The following GALNT17 variants were observed in gnomAD, a reference collection of about 807,000 sequenced individuals.
GALNT17 encodes UDP-GalNAc:polypeptide N-acetylgalactosaminyltransferase-like 3.
GALNT17 carries 29 observed loss-of-function variants against 63.7 expected under a neutral mutation model. The ratio of observed to expected loss-of-function variants is 0.46; its 90% CI spans 0.34 to 0.62. The LOEUF (loss-of-function observed/expected upper bound fraction) is 0.62, where lower values mean the gene tolerates loss of function less well. Among genes scored for constraint, GALNT17 ranks in the 20% least tolerant of loss-of-function variants. The pLI is 0.01. For missense variants in GALNT17, 603 were observed against 799.6 expected (o/e 0.75, Z 2.97); for synonymous variants, 305 against 318.3 (o/e 0.96, Z 0.45).
At chr7:71,320,519 G>T (rs569504267) in intron 1 of GALNT17, among the ~76,000 whole-genome samples, 130 of 152,178 alleles carry the variant, frequency 8.5e-4, no homozygotes, top group African/African-American at 2.9e-3. Flanking sequence ...CCAAAGCACT[G>T]GGATTACAGA....
intron 2 of GALNT17, among the ~76,000 whole-genome samples, chr7:71,377,114 A>ATATCT (rs1554362120): frequency 1.7e-5 from 1 of 57,486 alleles, no homozygotes; most frequent in African/African-American, 9.4e-5. Flanking sequence ...AAATAAAAAA[A>ATATCT]ATATATATAT....
chr7:71,423,011 CTGT>C lies in GALNT17; in HGVS notation c.962+1912_962+1914del, dbSNP rs1786694505. Among the ~76,000 whole-genome samples, 5 of 152,166 alleles carry C rather than the reference CTGT, an allele frequency of 3.3e-5. No homozygotes were observed. The South Asian group carries it at 6.2e-4, about 19-fold the overall frequency. Reference sequence around the variant, plus strand: ...AACTCCCCTCAGCATCCACGTCATTCTGTTGTTGCTAGCCTGCTGGTGTCTGCT... The same window carrying C: ...AACTCCCCTCAGCATCCACGTCATTCTGTTGCTAGCCTGCTGGTGTCTGCT... On this transcript the variant is annotated intron_variant, in intron 5 of 10. Coordinates refer to ENST00000333538, the MANE Select transcript of GALNT17 (RefSeq NM_022479.3).
At chr7:71,237,721 C>T (rs2116460258) in intron 1 of GALNT17, among the ~76,000 whole-genome samples, 1 of 152,110 alleles carries the variant, frequency 6.6e-6, no homozygotes, top group Admixed American at 6.5e-5. Context: ...CGGAAAATAG[C>T]CAGCCCCAGC....
At chr7:71,473,262 T>G (rs1787671062) in intron 5 of GALNT17, among the ~76,000 whole-genome samples, 1 of 152,178 alleles carries the variant, frequency 6.6e-6, no homozygotes, top group African/African-American at 2.4e-5. Context: ...GTGGCAGGCT[T>G]CAGAGAGAAT....
chr7:71,314,635 A>G (rs1279276894), intron 1 of GALNT17, among the ~76,000 whole-genome samples: 1 of 152,074 alleles, frequency 6.6e-6, no homozygotes, highest in Non-Finnish European at 1.5e-5. Context: ...ATTAATTTAC[A>G]TCCCATGAAA....
chr7:71,653,120 A>G (rs2117025782), intron 6 of GALNT17, among the ~76,000 whole-genome samples: 2 of 152,206 alleles, frequency 1.3e-5, no homozygotes, highest in African/African-American at 4.8e-5. Flanking sequence ...GGTTCAAACA[A>G]TTCTCCTGCC....
intron 1 of GALNT17, among the ~76,000 whole-genome samples, chr7:71,257,845 C>T (rs548061115): frequency 1.3e-5 from 2 of 152,162 alleles, no homozygotes; most frequent in African/African-American, 2.4e-5. Flanking sequence ...AGTGGGTAAC[C>T]GTTCTGTGCA....
intron 6 of GALNT17, among the ~76,000 whole-genome samples, chr7:71,597,517 A>AATAC (rs3973921): frequency 1.1e-4 from 1 of 9,342 alleles, no homozygotes; most frequent in East Asian, 0.083. Context: ...TTAAAAGAGT[A>AATAC]ATAAATAAAT....
intron 1 of GALNT17, among the ~76,000 whole-genome samples, chr7:71,223,691 C>A (rs979314258): frequency 6.6e-6 from 1 of 152,140 alleles, no homozygotes; most frequent in Non-Finnish European, 1.5e-5. Flanking sequence ...ACCTTGTCTG[C>A]TCCTCTCCTT....
chr7:71,238,063 A>G (rs1018126519), intron 1 of GALNT17, among the ~76,000 whole-genome samples: 1 of 152,182 alleles, frequency 6.6e-6, no homozygotes, highest in Non-Finnish European at 1.5e-5. Flanking sequence ...TGAGTCTCCC[A>G]CTAATCCACT....
At chr7:71,223,739 G>C (rs763661313) in intron 1 of GALNT17, among the ~76,000 whole-genome samples, 5 of 151,988 alleles carry the variant, frequency 3.3e-5, no homozygotes, top group African/African-American at 1.2e-4. Context: ...AGTAGCCCCA[G>C]TGTGTGTTGT....
intron 1 of GALNT17, among the ~76,000 whole-genome samples, chr7:71,269,935 A>C (rs906393752): frequency 6.6e-6 from 1 of 151,538 alleles, no homozygotes; most frequent in Non-Finnish European, 1.5e-5. Context: ...AGATTAATAC[A>C]CTCTCTGAAA....
chr7:71,362,973 CT>C (rs918133566), intron 2 of GALNT17, among the ~76,000 whole-genome samples: 30 of 149,494 alleles, frequency 2.0e-4, no homozygotes, highest in Admixed American at 3.3e-4. Context: ...TTCTTTCTTT[CT>C]TTTTTTTTTT....
chr7:71,164,874 T>TGGTGG (rs1788409195), intron 1 of GALNT17, among the ~76,000 whole-genome samples: 1 of 152,228 alleles, frequency 6.6e-6, no homozygotes, highest in South Asian at 2.1e-4. Context: ...AATAAAATTG[T>TGGTGG]GGTGGCTCTT....
At position 71,132,748 on chromosome 7, in the gene GALNT17, C is replaced by T. The variant is rs1787705161; in HGVS notation, c.-55C>T. 2 of 1,477,014 alleles carry T rather than the reference C, an allele frequency of 1.4e-6. No homozygotes were observed. Among genetic ancestry groups the T allele is most frequent in the East Asian group, 2.5e-5 (1 of 40,006 alleles). The allele number at this position is 1,477,014 out of a possible 1,614,324, so 91.5% of individuals were successfully genotyped here. A position where few individuals can be genotyped will look rare whatever the true frequency, so the allele number is the denominator to read the frequency against. ...TGCACGGCCCCTGGCTGCCCCGCGC[C>T]TCGCCGGAGCCCGAGGGGGCGCAGG... On this transcript the variant is annotated 5_prime_UTR_variant, in exon 1 of 11. Coordinates refer to ENST00000333538, the MANE Select transcript of GALNT17 (RefSeq NM_022479.3).
intron 5 of GALNT17, among the ~76,000 whole-genome samples, chr7:71,450,785 G>A (rs6961596): frequency 6.6e-6 from 1 of 152,104 alleles, no homozygotes; most frequent in South Asian, 2.1e-4. Context: ...GCTTCTTTCT[G>A]TTAGCATCAT....
chr7:71,711,960 T>C, intron 10 of GALNT17, 58 bp from the exon 11 acceptor site: 1 of 1,580,934 alleles, frequency 6.3e-7, no homozygotes, highest in Non-Finnish European at 8.7e-7. Context: ...TCTATATCTC[T>C]CGCTGTCTCT....
At chr7:71,146,223 C>T (rs575437275) in intron 1 of GALNT17, among the ~76,000 whole-genome samples, 2 of 151,984 alleles carry the variant, frequency 1.3e-5, no homozygotes, top group Non-Finnish European at 2.9e-5. Context: ...TGTTCCTCCC[C>T]GGGTGCCACC....
At chr7:71,520,725 G>A (rs1246978795) in intron 5 of GALNT17, among the ~76,000 whole-genome samples, 1 of 152,060 alleles carries the variant, frequency 6.6e-6, no homozygotes, top group African/African-American at 2.4e-5. Flanking sequence ...CATCAGTGTG[G>A]TCGTTGGAAA....
Sources: allele counts gnomAD v4.1 joint callset (sites outside exome capture counted in the v4.1 genomes callset), GRCh38; gene constraint gnomAD v4.1.1; transcripts MANE v1.5; gene names NCBI Gene and HGNC (gene_info 2026-07-23, HGNC 2026-07-21).